Variants in OTOGL observed in about 807,000 individuals in gnomAD.
OTOGL encodes the protein otogelin like.
Under a neutral mutation model 318.5 loss-of-function variants are expected in OTOGL, and 285 were observed. The ratio of observed to expected loss-of-function variants is 0.89; its 90% confidence interval spans 0.81 to 0.99. The LOEUF (loss-of-function observed/expected upper bound fraction) is 0.99, where lower values mean the gene tolerates loss of function less well. OTOGL is among the 50% of genes least tolerant of loss of function. The pLI is 0.00. For missense variants in OTOGL, 2,899 were observed against 2,845.6 expected (o/e 1.02, Z -0.43); for synonymous variants, 987 against 936.5 (o/e 1.05, Z -0.99).
At chr12:80,216,050 T>G (rs551581835) in intron 4 of OTOGL, among the ~76,000 whole-genome samples, 40 of 152,212 alleles carry the variant, frequency 2.6e-4, no homozygotes, top group African/African-American at 9.1e-4. Context: ...CATGATGGCA[T>G]GCGCCTGCAG....
rs907742261 is a variant in OTOGL, at chr12:80,212,460, A to G, written c.168+463A>G. ...AGTTTTTATAATGTCTGATAAATCT[A>G]AATTGTGGGTGTCTCTGAATAGGTA... is the stretch of plus-strand genomic sequence containing the variant. On this transcript the variant is annotated intron_variant, in intron 4 of 58. Coordinates refer to ENST00000547103, the MANE Select transcript of OTOGL (RefSeq NM_001378609.3). Among the ~76,000 whole-genome samples the G allele has an allele frequency of 7.9e-5, 12 of 152,154 alleles. 1 individual carries two copies. The highest frequency in any genetic ancestry group is 1.6e-4 in the Non-Finnish European group (11 of 68,020).
chr12:80,333,930 G>A (rs1888238081), intron 38 of OTOGL, among the ~76,000 whole-genome samples: 1 of 152,068 alleles, frequency 6.6e-6, no homozygotes, highest in East Asian at 1.9e-4. Context: ...AAGTAATAAA[G>A]GAATAAAATA....
chr12:80,208,363 G>A, intron 1 of OTOGL: 2 of 396,394 alleles, frequency 5.0e-6, no homozygotes, highest in Non-Finnish European at 9.9e-6. Context: ...CAGAAGAGTT[G>A]TCTGGGTACA....
intron 1 of OTOGL, among the ~76,000 whole-genome samples, chr12:80,147,238 G>T (rs1292480899): frequency 3.3e-5 from 5 of 149,932 alleles, no homozygotes; most frequent in South Asian, 2.2e-4. Flanking sequence ...GCGTCCCAGA[G>T]ATTCTGGTAT....
At chr12:80,181,475 G>T (rs1427192348) in intron 1 of OTOGL, among the ~76,000 whole-genome samples, 3 of 152,068 alleles carry the variant, frequency 2.0e-5, no homozygotes, top group Non-Finnish European at 4.4e-5. Flanking sequence ...CCCCTAGGGA[G>T]TCTCCAATCA....
intron 56 of OTOGL, 48 bp from the exon 57 acceptor site, chr12:80,371,971 T>C: frequency 7.8e-7 from 1 of 1,282,752 alleles, no homozygotes; most frequent in South Asian, 1.6e-5. Flanking sequence ...CAAGAGAACA[T>C]GGAAGAACAC....
chr12:80,262,131 T>G, intron 19 of OTOGL, 38 bp downstream of exon 19: 1 of 1,580,260 alleles, frequency 6.3e-7, no homozygotes, highest in Non-Finnish European at 8.6e-7. Flanking sequence ...TGCTGTAAAC[T>G]TAGGGAAAAG....
At chr12:80,264,183 C>T (rs183399431) in intron 19 of OTOGL, among the ~76,000 whole-genome samples, 9 of 152,100 alleles carry the variant, frequency 5.9e-5, no homozygotes, top group East Asian at 1.9e-4. Flanking sequence ...ACTAGGTCCA[C>T]GATATCAAGA....
intron 1 of OTOGL, among the ~76,000 whole-genome samples, chr12:80,204,670 T>G (rs1192011282): frequency 6.6e-6 from 1 of 152,068 alleles, no homozygotes. Context: ...AAGTATAAAG[T>G]ACTTGGAAGT....
At chr12:80,352,488 G>A in intron 45 of OTOGL, 52 bp downstream of exon 45, 3 of 1,397,306 alleles carry the variant, frequency 2.1e-6, no homozygotes, top group Middle Eastern at 3.8e-4. Flanking sequence ...TTTCACTTTT[G>A]CAATCACTTC....
chr12:80,354,215 A>G (rs1024816185), intron 46 of OTOGL, among the ~76,000 whole-genome samples: 7 of 152,178 alleles, frequency 4.6e-5, no homozygotes, highest in Admixed American at 4.6e-4. Flanking sequence ...AGATTGTTAT[A>G]AAGGGAGTTT....
intron 1 of OTOGL, among the ~76,000 whole-genome samples, chr12:80,148,620 A>G (rs10862070): frequency 0.53 from 79,928 of 151,482 alleles, 22,112 homozygotes; most frequent in African/African-American, 0.71. Flanking sequence ...GATTGGGGAA[A>G]TTCTCCTGCA....
At chr12:80,213,238 G>C (rs1877408473) in intron 4 of OTOGL, among the ~76,000 whole-genome samples, 1 of 152,204 alleles carries the variant, frequency 6.6e-6, no homozygotes, top group South Asian at 2.1e-4. Flanking sequence ...GATGTTGCCA[G>C]GGCATTTGTA....
At chr12:80,273,710 C>T (rs1883582365) in intron 24 of OTOGL, among the ~76,000 whole-genome samples, 1 of 152,014 alleles carries the variant, frequency 6.6e-6, no homozygotes, top group South Asian at 2.1e-4. Flanking sequence ...CTTTATTGCA[C>T]TTCACAGGTG....
chr12:80,203,558 A>G (rs1043397344), intron 1 of OTOGL, among the ~76,000 whole-genome samples: 5 of 152,160 alleles, frequency 3.3e-5, no homozygotes, highest in African/African-American at 1.2e-4. Flanking sequence ...TTGCCAATGG[A>G]ACAGAAGCTG....
At chr12:80,115,155 A>G (rs372702140) in intron 1 of OTOGL, among the ~76,000 whole-genome samples, 1 of 151,948 alleles carries the variant, frequency 6.6e-6, no homozygotes, top group East Asian at 1.9e-4. Flanking sequence ...AGGAGTTGTT[A>G]TCCTTTGGAG....
chr12:80,157,900 T>G (rs749625180), intron 1 of OTOGL, among the ~76,000 whole-genome samples: 13 of 152,176 alleles, frequency 8.5e-5, no homozygotes, highest in Non-Finnish European at 1.8e-4. Context: ...CTTGAATCAA[T>G]TTCTGTTGTA....
intron 1 of OTOGL, among the ~76,000 whole-genome samples, chr12:80,127,975 A>T (rs1260450376): frequency 1.3e-5 from 2 of 152,112 alleles, no homozygotes; most frequent in Non-Finnish European, 2.9e-5. Context: ...CTTCTTTGCC[A>T]TGGGTTCAAA....
At chr12:80,126,446 T>A (rs536509529) in intron 1 of OTOGL, among the ~76,000 whole-genome samples, 37 of 152,182 alleles carry the variant, frequency 2.4e-4, no homozygotes, top group African/African-American at 8.2e-4. Context: ...TGCTGAGGAG[T>A]GCTTTACTTC....
Sources: gnomAD v4.1 joint callset for allele counts (sites outside exome capture counted in the v4.1 genomes callset) on GRCh38, gnomAD v4.1.1 for gene constraint, MANE v1.5 for transcripts, NCBI Gene and HGNC (gene_info 2026-07-23, HGNC 2026-07-21) for gene names.